The following LINGO2 variants were observed in gnomAD, a reference collection of about 807,000 sequenced individuals.
The protein encoded by LINGO2 is leucine-rich repeat and immunoglobulin-like domain-containing nogo receptor-interacting protein 2.
LINGO2 carries 14 observed loss-of-function variants against 30.6 expected under a neutral mutation model. The observed-to-expected ratio is 0.46, with a 90% CI of 0.30 to 0.72. The LOEUF (loss-of-function observed/expected upper bound fraction) is 0.72, where lower values mean the gene tolerates loss of function less well. Ranked by LOEUF, LINGO2 falls within the 30% of genes least tolerant of loss-of-function variation. LINGO2 has a pLI of 0.07. For synonymous variants in LINGO2, 317 were observed against 288.5 expected (o/e 1.10, Z -1.00); for missense variants, 729 against 751.7 (o/e 0.97, Z 0.35).
intron 3 of LINGO2, among the ~76,000 whole-genome samples, chr9:28,325,070 C>T (rs949277400): frequency 6.6e-6 from 1 of 151,770 alleles, no homozygotes; most frequent in Non-Finnish European, 1.5e-5. Flanking sequence ...CTCTCTCCTT[C>T]TCTCCCTCTC....
In LINGO2 at chr9:28,149,555, G is replaced by A. The variant is rs186212656; in HGVS notation, c.-86-137150C>T. ...AGCGCCTCTGCCCGGGCCCTGCCCC[G>A]TCTGGGCAGTGAGGAGTGCCTGTGG... On this transcript the variant is annotated intron_variant, in intron 4 of 5. Transcript: ENST00000379992. Among the ~76,000 whole-genome samples the A allele has an allele frequency of 3.8e-4, 56 of 148,540 alleles. No homozygotes were observed. In the East Asian group the frequency reaches 7.3e-3, roughly 19 times the overall value.
At chr9:29,102,964 G>A in the LINGO2 span, among the ~76,000 whole-genome samples, 9 of 151,910 alleles carry the variant, frequency 5.9e-5, no homozygotes, top group African/African-American at 2.2e-4. Context: ...TTAATAACTT[G>A]TCAAACAAGC....
the LINGO2 span, among the ~76,000 whole-genome samples, chr9:29,009,635 C>T: frequency 4.6e-5 from 7 of 152,128 alleles, no homozygotes; most frequent in East Asian, 9.6e-4. Context: ...AATGCCATCC[C>T]CATTAAGCTA....
At chr9:28,174,340 G>A (rs555406564) in intron 4 of LINGO2, among the ~76,000 whole-genome samples, 3 of 152,340 alleles carry the variant, frequency 2.0e-5, no homozygotes, top group Non-Finnish European at 2.9e-5. Context: ...TCAGAACACT[G>A]CTATGTAAAA....
the LINGO2 span, among the ~76,000 whole-genome samples, chr9:28,879,056 T>A: frequency 6.6e-6 from 1 of 152,204 alleles, no homozygotes; most frequent in Non-Finnish European, 1.5e-5. Flanking sequence ...TTGTCCCTGT[T>A]TGCAGATGAC....
the LINGO2 span, among the ~76,000 whole-genome samples, chr9:28,936,075 T>A: frequency 6.6e-6 from 1 of 152,238 alleles, no homozygotes; most frequent in East Asian, 1.9e-4. Flanking sequence ...GTAAGGGAAA[T>A]TTATTTTGTG....
chr9:29,051,141 C>T, the LINGO2 span, among the ~76,000 whole-genome samples: 2 of 152,102 alleles, frequency 1.3e-5, no homozygotes, highest in African/African-American at 2.4e-5. Flanking sequence ...TACATTAACA[C>T]ATCATCACCC....
intron 4 of LINGO2, among the ~76,000 whole-genome samples, chr9:28,216,565 T>C (rs1820775182): frequency 6.6e-6 from 1 of 151,862 alleles, no homozygotes; most frequent in Non-Finnish European, 1.5e-5. Flanking sequence ...ACAGATAAAC[T>C]CCCACTGACC....
At chr9:28,386,246 C>A (rs1283049717) in intron 2 of LINGO2, among the ~76,000 whole-genome samples, 1 of 152,146 alleles carries the variant, frequency 6.6e-6, no homozygotes, top group African/African-American at 2.4e-5. Flanking sequence ...TCCTTTGACA[C>A]TGATGTGCAC....
At chr9:28,325,708 T>C (rs1825203012) in intron 3 of LINGO2, among the ~76,000 whole-genome samples, 1 of 152,180 alleles carries the variant, frequency 6.6e-6, no homozygotes, top group African/African-American at 2.4e-5. Flanking sequence ...CCCAGCCACA[T>C]GGAACTGTGA....
the LINGO2 span, among the ~76,000 whole-genome samples, chr9:29,205,959 A>T: frequency 6.6e-6 from 1 of 152,120 alleles, no homozygotes; most frequent in East Asian, 1.9e-4. Context: ...TTTTCTGTAC[A>T]TTTCACCTAA....
chr9:28,795,198 C>A, the LINGO2 span, among the ~76,000 whole-genome samples: 6 of 152,166 alleles, frequency 3.9e-5, no homozygotes, highest in African/African-American at 1.4e-4. Flanking sequence ...GTTCATAAAG[C>A]AAGGACTTTG....
intron 1 of LINGO2, among the ~76,000 whole-genome samples, chr9:28,504,207 T>C (rs1039327446): frequency 2.0e-5 from 3 of 151,916 alleles, no homozygotes; most frequent in African/African-American, 7.2e-5. Context: ...ATGCAAACAA[T>C]CATACTTCCA....
chr9:28,871,697 A>G, the LINGO2 span, among the ~76,000 whole-genome samples: 7 of 152,088 alleles, frequency 4.6e-5, no homozygotes, highest in South Asian at 8.3e-4. Context: ...AGAAGGAGCA[A>G]TCTACTGAAA....
At chr9:28,412,185 GAAAAAA>G (rs59158472) in intron 2 of LINGO2, among the ~76,000 whole-genome samples, 23 of 120,644 alleles carry the variant, frequency 1.9e-4, no homozygotes, top group East Asian at 1.0e-3. Flanking sequence ...ACTTGTAAGT[GAAAAAA>G]AAAAAAAAAA....
At chr9:29,055,947 T>TATATATGTGTATATATATATATATAC in the LINGO2 span, among the ~76,000 whole-genome samples, 4 of 149,188 alleles carry the variant, frequency 2.7e-5, no homozygotes, top group Non-Finnish European at 4.4e-5. Flanking sequence ...TGTGTATATA[T>TATATATGTGTATATATATATATATAC]ACATATATAT....
intron 4 of LINGO2, among the ~76,000 whole-genome samples, chr9:28,017,336 C>T (rs1171088186): frequency 6.6e-6 from 1 of 152,004 alleles, no homozygotes; most frequent in African/African-American, 2.4e-5. Context: ...AAGCCCTAGC[C>T]AGAGCAATTA....
At chr9:28,191,475 A>G (rs555390329) in intron 4 of LINGO2, among the ~76,000 whole-genome samples, 3 of 152,278 alleles carry the variant, frequency 2.0e-5, no homozygotes, top group South Asian at 4.1e-4. Flanking sequence ...TCTAGGCAGG[A>G]AGAATAAAAT....
chr9:28,465,336 G>A (rs775894303), intron 2 of LINGO2, among the ~76,000 whole-genome samples: 5 of 152,136 alleles, frequency 3.3e-5, no homozygotes, highest in African/African-American at 9.7e-5. Flanking sequence ...AACCATCCCC[G>A]GCTGAACTCC....
Sources: allele counts gnomAD v4.1 joint callset (sites outside exome capture counted in the v4.1 genomes callset), GRCh38; gene constraint gnomAD v4.1.1; transcripts MANE v1.5; gene names NCBI Gene and HGNC (gene_info 2026-07-23, HGNC 2026-07-21).